Variants in MYH10 observed in about 807,000 individuals in gnomAD.
MYH10 encodes myosin heavy chain 10.
Under a neutral mutation model 257.8 loss-of-function variants are expected in MYH10, and 55 were observed. The ratio of observed to expected loss-of-function variants is 0.21; its 90% CI spans 0.17 to 0.27. The LOEUF (loss-of-function observed/expected upper bound fraction) is 0.27. Ranked by LOEUF, MYH10 falls within the 10% of genes least tolerant of loss-of-function variation. The pLI is 1.00. For synonymous variants in MYH10, 854 were observed against 921.7 expected (o/e 0.93, Z 1.33); for missense variants, 1,631 against 2,500.6 (o/e 0.65, Z 7.42).
rs572414797 is a variant in MYH10 at position 8,477,138 on chromosome 17, G to A, written c.5707-90C>T. ...CCCGAGCGTGGCAGTGTGGGGCTCT[G>A]CCTGTTACCCTTGTGAGCACGCGTG... On this transcript the variant is annotated intron_variant, in intron 41 of 42. Coordinates refer to ENST00000360416, the MANE Select transcript of MYH10 (RefSeq NM_001256012.3). The surrounding 1 kb of genome is among the most constrained non-coding windows in gnomAD (Gnocchi z 4.2). The A allele has an allele frequency of 4.6e-4, 669 of 1,466,864 alleles. 10 individuals are homozygous for A. In the South Asian group the frequency reaches 6.8e-3, roughly 15 times the overall value. The allele number at this position is 1,466,864 out of a possible 1,614,324, so 90.9% of individuals were successfully genotyped here. A position where few individuals can be genotyped will look rare whatever the true frequency, so the allele number is the denominator to read the frequency against.
At chr17:8,540,028 C>T (rs796427644) in intron 14 of MYH10, among the ~76,000 whole-genome samples, 37 of 152,294 alleles carry the variant, frequency 2.4e-4, no homozygotes, top group Middle Eastern at 3.4e-3. Context: ...CTCACGCTGT[C>T]GCCTAGACTG....
At chr17:8,512,169 A>G (rs2081317515) in intron 24 of MYH10, among the ~76,000 whole-genome samples, 2 of 152,236 alleles carry the variant, frequency 1.3e-5, no homozygotes, top group Admixed American at 6.5e-5. Flanking sequence ...ACAGAATGCT[A>G]TAGATCCTGG....
At position 8,610,271 on chromosome 17, in the gene MYH10, C is replaced by CAAAAAAAAAAAAAAAAAAAA. The variant is rs71361810; in HGVS notation, c.346-5309_346-5290dup. ...GTTTATAGGGAGCACCATAGGATTGCAAAAAAAAAAAAAAAAAAAAAGGGT... is the reference window on the plus strand; with the variant it reads ...GTTTATAGGGAGCACCATAGGATTGCAAAAAAAAAAAAAAAAAAAAAAAAAAAAAAAAAAAAAAAAAGGGT... On this transcript the variant is annotated intron_variant, in intron 2 of 42. Coordinates refer to ENST00000360416, the MANE Select transcript of MYH10 (RefSeq NM_001256012.3). 4.8e-4 allele frequency among the ~76,000 whole-genome samples: 22 copies of CAAAAAAAAAAAAAAAAAAAA among 45,980 alleles called. 7 individuals carry two copies. Among genetic ancestry groups the CAAAAAAAAAAAAAAAAAAAA allele is most frequent in the African/African-American group, 1.7e-3 (17 of 9,864 alleles). 30.2% of individuals were successfully genotyped at this position (45,980 alleles called of 152,430 possible). A position where few individuals can be genotyped will look rare whatever the true frequency, so the allele number is the denominator to read the frequency against.
chr17:8,523,501 T>C (rs1348645632), intron 17 of MYH10, among the ~76,000 whole-genome samples: 2 of 152,202 alleles, frequency 1.3e-5, no homozygotes, highest in Non-Finnish European at 2.9e-5. Flanking sequence ...TGTGGGAAGA[T>C]GACCACTCCA....
At chr17:8,629,370 C>T (rs1186168192) in intron 1 of MYH10, among the ~76,000 whole-genome samples, 1 of 143,912 alleles carries the variant, frequency 6.9e-6, no homozygotes, top group East Asian at 2.3e-4. Flanking sequence ...CCCTTCCATC[C>T]ACCGCAGTGA....
intron 2 of MYH10, among the ~76,000 whole-genome samples, chr17:8,606,218 T>G (rs1050746557): frequency 2.0e-5 from 3 of 152,216 alleles, no homozygotes; most frequent in African/African-American, 7.2e-5. Context: ...ATTGACCCTA[T>G]GAATGCTTAT....
Position 8,489,708 on chromosome 17 carries a change from A to ACAC in MYH10, c.4884+631_4884+632insGTG, listed in dbSNP as rs1555570829. Among the ~76,000 whole-genome samples, 177 of 93,134 alleles carry ACAC rather than the reference A, an allele frequency of 1.9e-3. 3 individuals are homozygous for ACAC. The highest frequency in any genetic ancestry group is 2.8e-3 in the East Asian group (8 of 2,844). The allele number at this position is 93,134 out of a possible 152,430, so 61.1% of individuals were successfully genotyped here. A position where few individuals can be genotyped will look rare whatever the true frequency, so the allele number is the denominator to read the frequency against. ...GACAGAGCGAGACTCCGTCTGAAAAAACACACACACACACACACACACACA... is the reference window on the plus strand; with the variant it reads ...GACAGAGCGAGACTCCGTCTGAAAAACACACACACACACACACACACACACACA... On this transcript the variant is annotated intron_variant, in intron 35 of 42. Coordinates refer to ENST00000360416, the MANE Select transcript of MYH10 (RefSeq NM_001256012.3).
intron 7 of MYH10, among the ~76,000 whole-genome samples, chr17:8,555,200 TAAG>T (rs2082754855): frequency 6.6e-6 from 1 of 152,066 alleles, no homozygotes; most frequent in South Asian, 2.1e-4. Context: ...CTAGGACTGC[TAAG>T]AAGGACTGAC....
intron 4 of MYH10, among the ~76,000 whole-genome samples, chr17:8,578,241 TTC>T (rs1254609815): frequency 1.8e-3 from 84 of 47,336 alleles, no homozygotes; most frequent in African/African-American, 5.6e-3. Flanking sequence ...CTTTCTTTCT[TTC>T]TTTTTTTTTT....
intron 24 of MYH10, among the ~76,000 whole-genome samples, chr17:8,512,244 C>A (rs1029996163): frequency 9.2e-5 from 14 of 152,100 alleles, no homozygotes; most frequent in Non-Finnish European, 1.8e-4. Context: ...AAAAAGATTC[C>A]TATACAAAAT....
chr17:8,508,526 C>A (rs776176743), intron 26 of MYH10, 28 bp downstream of exon 26: 49 of 1,613,444 alleles, frequency 3.0e-5, no homozygotes, highest in Middle Eastern at 3.3e-4. Context: ...TGTCCTAGTC[C>A]CTGATTTCTC....
At chr17:8,540,618 C>A (rs2082265591) in intron 14 of MYH10, among the ~76,000 whole-genome samples, 1 of 152,198 alleles carries the variant, frequency 6.6e-6, no homozygotes, top group East Asian at 1.9e-4. Flanking sequence ...TATAAAGATA[C>A]TGACCTAGCA....
At chr17:8,509,427 A>G (rs899800267) in intron 25 of MYH10, among the ~76,000 whole-genome samples, 1 of 152,242 alleles carries the variant, frequency 6.6e-6, no homozygotes, top group Admixed American at 6.5e-5. Context: ...ACTGTACTCC[A>G]AAAGGGCAGA....
chr17:8,549,970 G>A (rs1430082882), intron 9 of MYH10, among the ~76,000 whole-genome samples: 2 of 150,828 alleles, frequency 1.3e-5, no homozygotes, highest in African/African-American at 2.4e-5. Flanking sequence ...GATTGCAGAC[G>A]GAGTCTCGTT....
intron 38 of MYH10, chr17:8,480,730 T>C: frequency 1.5e-6 from 1 of 648,622 alleles, no homozygotes; most frequent in East Asian, 3.0e-5. Context: ...ACCACCCAGA[T>C]GCAGGCCTGT....
chr17:8,589,257 CA>C, intron 3 of MYH10, 149 bp from the exon 4 acceptor site: 1 of 703,410 alleles, frequency 1.4e-6, no homozygotes, highest in Non-Finnish European at 2.4e-6. Flanking sequence ...CCCCATTATA[CA>C]GTCCTAAATC....
At chr17:8,613,738 CAT>C (rs2085133960) in intron 2 of MYH10, among the ~76,000 whole-genome samples, 2 of 152,146 alleles carry the variant, frequency 1.3e-5, no homozygotes, top group African/African-American at 4.8e-5. Flanking sequence ...CATTACATCA[CAT>C]GTACATAAAC....
At chr17:8,612,162 C>T (rs758772446) in intron 2 of MYH10, among the ~76,000 whole-genome samples, 1 of 152,154 alleles carries the variant, frequency 6.6e-6, no homozygotes, top group Non-Finnish European at 1.5e-5. Context: ...CACTTGGTAG[C>T]CCTCTCAGAT....
chr17:8,611,862 T>C (rs974416078), intron 2 of MYH10, among the ~76,000 whole-genome samples: 1 of 152,074 alleles, frequency 6.6e-6, no homozygotes, highest in Admixed American at 6.5e-5. Context: ...TGGCTAAGAA[T>C]TTTCCCGGAC....
Sources: gnomAD v4.1 joint callset for allele counts (sites outside exome capture counted in the v4.1 genomes callset) on GRCh38, gnomAD v4.1.1 for gene constraint, Gnocchi (gnomAD v3.1) non-coding constraint, MANE v1.5 for transcripts, NCBI Gene and HGNC (gene_info 2026-07-23, HGNC 2026-07-21) for gene names.